The following CNTN4 variants were observed in gnomAD, a reference collection of about 807,000 sequenced individuals.
CNTN4 encodes contactin 4.
A neutral mutation model predicts 122.5 loss-of-function variants in CNTN4; 77 were observed. The ratio of observed to expected loss-of-function variants is 0.63; its 90% CI spans 0.52 to 0.76. The LOEUF is 0.76. Among genes scored for constraint, CNTN4 ranks in the 30% least tolerant of loss-of-function variants. The probability of loss-of-function intolerance (pLI) is 0.00; values close to 1 mark genes in which losing one functional copy is unlikely to be tolerated. For synonymous variants in CNTN4, 512 were observed against 447.0 expected, an observed-to-expected ratio of 1.15 and a Z score of -1.83; for missense variants, 1,256 against 1,259.1, an observed-to-expected ratio of 1.00 and a Z score of 0.04.
intron 2 of CNTN4, among the ~76,000 whole-genome samples, chr3:2,322,218 A>C (rs35074495): frequency 0.071 from 10,869 of 152,198 alleles, 451 homozygotes; most frequent in Middle Eastern, 0.085. Context: ...GAAAGCAGGG[A>C]CTCAAACAGA....
intron 4 of CNTN4, among the ~76,000 whole-genome samples, chr3:2,635,096 G>A (rs763929383): frequency 1.3e-5 from 2 of 151,772 alleles, no homozygotes; most frequent in Non-Finnish European, 2.9e-5. Flanking sequence ...TTTTTTTCTA[G>A]TGAGCGATGT....
intron 2 of CNTN4, among the ~76,000 whole-genome samples, chr3:2,266,363 TA>T (rs2041049259): frequency 6.6e-6 from 1 of 152,142 alleles, no homozygotes; most frequent in Non-Finnish European, 1.5e-5. Flanking sequence ...GATTTCTCCT[TA>T]AAAATGAGTC....
At chr3:2,594,435 T>G (rs2080661241) in intron 4 of CNTN4, among the ~76,000 whole-genome samples, 1 of 131,486 alleles carries the variant, frequency 7.6e-6, no homozygotes, top group Non-Finnish European at 1.6e-5. Flanking sequence ...TTTTTTTTTT[T>G]TGAGACAGAG....
chr3:2,838,179 A>C (rs746908115), intron 7 of CNTN4, among the ~76,000 whole-genome samples: 2 of 152,198 alleles, frequency 1.3e-5, no homozygotes, highest in South Asian at 4.1e-4. Context: ...ATCTAAGTAG[A>C]TCCATAAAGC....
chr3:2,970,715 C>T (rs9853416), intron 13 of CNTN4, among the ~76,000 whole-genome samples: 6 of 151,952 alleles, frequency 3.9e-5, no homozygotes, highest in Admixed American at 6.6e-5. Context: ...CAAAGTGCTG[C>T]GATTGCAAGC....
At chr3:2,256,408 A>C (rs1029173490) in intron 2 of CNTN4, among the ~76,000 whole-genome samples, 1 of 152,222 alleles carries the variant, frequency 6.6e-6, no homozygotes, top group Non-Finnish European at 1.5e-5. Context: ...TCCAAACAAT[A>C]GAAAAAGAGG....
chr3:2,197,536 A>G (rs769733822), intron 2 of CNTN4, among the ~76,000 whole-genome samples: 3 of 152,182 alleles, frequency 2.0e-5, no homozygotes, highest in Non-Finnish European at 4.4e-5. Flanking sequence ...CATTTTATAA[A>G]TGGGAAGATG....
chr3:2,973,191 C>T (rs574881475), intron 13 of CNTN4, among the ~76,000 whole-genome samples: 17 of 152,074 alleles, frequency 1.1e-4, no homozygotes, highest in African/African-American at 3.1e-4. Flanking sequence ...TATTTAGAAA[C>T]GAGAGGAGGA....
chr3:2,204,551 A>G (rs1358203036), intron 2 of CNTN4, among the ~76,000 whole-genome samples: 1 of 152,192 alleles, frequency 6.6e-6, no homozygotes, highest in African/African-American at 2.4e-5. Flanking sequence ...AACTGTACAC[A>G]AAACTCATAA....
At chr3:2,739,396 C>A (rs997460645) in intron 5 of CNTN4, among the ~76,000 whole-genome samples, 7 of 151,832 alleles carry the variant, frequency 4.6e-5, no homozygotes, top group Admixed American at 4.6e-4. Flanking sequence ...AGTATATTCA[C>A]AAATACACAT....
At chr3:2,581,129 T>C (rs1379187210) in intron 4 of CNTN4, among the ~76,000 whole-genome samples, 2 of 152,192 alleles carry the variant, frequency 1.3e-5, no homozygotes, top group Admixed American at 1.3e-4. Context: ...GGCCCAGACT[T>C]ACAGAATTGG....
chr3:2,176,071 A>G (rs919749841), intron 2 of CNTN4, among the ~76,000 whole-genome samples: 5 of 152,174 alleles, frequency 3.3e-5, no homozygotes, highest in Admixed American at 2.6e-4. Flanking sequence ...TTCTTTTTAT[A>G]TGTTGAGTCT....
intron 4 of CNTN4, among the ~76,000 whole-genome samples, chr3:2,578,006 G>A (rs953727320): frequency 3.3e-5 from 5 of 151,980 alleles, no homozygotes; most frequent in South Asian, 2.1e-4. Context: ...TGCATCTGGG[G>A]GCATGTAGTG....
At chr3:2,748,693 G>A (rs1412270256) in intron 6 of CNTN4, among the ~76,000 whole-genome samples, 1 of 152,140 alleles carries the variant, frequency 6.6e-6, no homozygotes, top group Non-Finnish European at 1.5e-5. Flanking sequence ...CTAAAGCCTT[G>A]CTAAAATCAA....
chr3:2,873,163 C>T (rs2150899677), intron 8 of CNTN4, among the ~76,000 whole-genome samples: 1 of 152,262 alleles, frequency 6.6e-6, no homozygotes, highest in Admixed American at 6.5e-5. Context: ...TAAGACAAAT[C>T]ATTACCATTT....
intron 13 of CNTN4, among the ~76,000 whole-genome samples, chr3:2,946,438 T>A (rs2094679181): frequency 6.6e-6 from 1 of 152,212 alleles, no homozygotes; most frequent in African/African-American, 2.4e-5. Context: ...TATATGCTCA[T>A]GTAACGTCAT....
chr3:2,723,759 G>T (rs1010329242), intron 4 of CNTN4, among the ~76,000 whole-genome samples: 1 of 152,172 alleles, frequency 6.6e-6, no homozygotes. Flanking sequence ...AGTGCTCAGC[G>T]TACCAGAATC....
chr3:2,969,337 G>A (rs985180144), intron 13 of CNTN4, among the ~76,000 whole-genome samples: 1 of 152,018 alleles, frequency 6.6e-6, no homozygotes, highest in African/African-American at 2.4e-5. Context: ...ATCCTGATTG[G>A]TCTAGGCTAG....
chr3:2,994,370 A>G (rs1390657821), intron 14 of CNTN4, among the ~76,000 whole-genome samples: 1 of 152,116 alleles, frequency 6.6e-6, no homozygotes, highest in Non-Finnish European at 1.5e-5. Context: ...AAATAAATTT[A>G]TACTTTAAGT....
Sources: gnomAD v4.1 joint callset for allele counts (sites outside exome capture counted in the v4.1 genomes callset) on GRCh38, gnomAD v4.1.1 for gene constraint, MANE v1.5 for transcripts, NCBI Gene and HGNC (gene_info 2026-07-23, HGNC 2026-07-21) for gene names.